Variants in ZNF451 observed in about 807,000 individuals in gnomAD.
ZNF451 encodes zinc finger protein 451.
ZNF451 carries 80 observed loss-of-function variants against 107.1 expected under a neutral mutation model. The ratio of observed to expected loss-of-function variants is 0.75; its 90% CI spans 0.62 to 0.90. The LOEUF is 0.90. Ranked by LOEUF, ZNF451 falls within the 40% of genes least tolerant of loss-of-function variation. ZNF451 has a pLI of 0.00. For missense variants in ZNF451, 1,107 were observed against 1,236.2 expected (o/e 0.90, Z 1.57); for synonymous variants, 362 against 406.5 (o/e 0.89, Z 1.32).
At chr6:57,121,911 A>G (rs1189293325) in intron 3 of ZNF451, among the ~76,000 whole-genome samples, 1 of 152,206 alleles carries the variant, frequency 6.6e-6, no homozygotes, top group African/African-American at 2.4e-5. Flanking sequence ...AAAAGCCTGA[A>G]TAGTCAAGGC....
intron 9 of ZNF451, among the ~76,000 whole-genome samples, chr6:57,145,477 CA>C (rs1025458347): frequency 6.6e-6 from 1 of 152,074 alleles, no homozygotes; most frequent in Non-Finnish European, 1.5e-5. Context: ...TTGGAGTTTT[CA>C]ATATCTGTTT....
At chr6:57,092,596 T>G (rs1305308297) in intron 2 of ZNF451, among the ~76,000 whole-genome samples, 2 of 152,242 alleles carry the variant, frequency 1.3e-5, no homozygotes, top group African/African-American at 4.8e-5. Context: ...CAAAATATAT[T>G]CAGAGACAGA....
At position 57,148,684 on chromosome 6, in the gene ZNF451, C is replaced by G. The variant is rs1300230580; in HGVS notation, c.2599C>G (p.Gln867Glu). The change falls in exon 10 of 15, where the codon CAG (glutamine) becomes GAG (glutamate). Residue 867 changes from glutamine to glutamate, a missense_variant. Gln to Glu is a conservative substitution (Grantham distance 29, BLOSUM62 2). Coordinates refer to ENST00000370706, the MANE Select transcript of ZNF451 (RefSeq NM_001031623.3). ...EKGVENDLSY[Q>E]NIEEEIVELP... ...AGGAGTTGAGAATGACCTAAGCTAT[C>G]AGAATATAGGTATGGCTTTATAGCT... 11 of 1,607,386 alleles carry G rather than the reference C, an allele frequency of 6.8e-6. No homozygotes were observed. Among genetic ancestry groups the G allele is most frequent in the Non-Finnish European group, 9.3e-6 (11 of 1,177,398 alleles).
At chr6:57,127,161 T>C (rs1490208169) in intron 4 of ZNF451, among the ~76,000 whole-genome samples, 1 of 152,180 alleles carries the variant, frequency 6.6e-6, no homozygotes, top group Non-Finnish European at 1.5e-5. Flanking sequence ...TTCAGTATAG[T>C]GATCCTGTAG....
chr6:57,093,926 A>C (rs1251957683), intron 2 of ZNF451, among the ~76,000 whole-genome samples: 1 of 152,266 alleles, frequency 6.6e-6, no homozygotes, highest in Admixed American at 6.5e-5. Flanking sequence ...GTTGCCTGTC[A>C]GGACTGCACA....
chr6:57,126,406 A>G (rs538161259), intron 4 of ZNF451: 2 of 152,254 alleles, frequency 1.3e-5, no homozygotes, highest in South Asian at 4.1e-4. Context: ...AACAACAACA[A>G]CAACAAAAAA....
At chr6:57,102,609 G>T in intron 3 of ZNF451, 2 of 986,248 alleles carry the variant, frequency 2.0e-6, no homozygotes, top group Non-Finnish European at 2.4e-6. Context: ...ATGTCTTTAT[G>T]TCAAGATGGT....
intron 2 of ZNF451, among the ~76,000 whole-genome samples, chr6:57,098,388 T>C (rs1829429029): frequency 6.6e-6 from 1 of 152,036 alleles, no homozygotes; most frequent in African/African-American, 2.4e-5. Flanking sequence ...GTATATCCAC[T>C]ACCATACTCT....
At chr6:57,142,653 T>G (rs1831828840) in intron 9 of ZNF451, among the ~76,000 whole-genome samples, 1 of 152,218 alleles carries the variant, frequency 6.6e-6, no homozygotes. Flanking sequence ...TAAAGCTGCT[T>G]TGAATACTTT....
chr6:57,133,063 A>C lies in ZNF451; in HGVS notation c.446A>C (p.Asn149Thr). Reference protein sequence around the residue: ...KMPGLKTGTINCGTKSSFRRG... With the variant: ...KMPGLKTGTITCGTKSSFRRG... The stretch of plus-strand genomic sequence containing the variant: ...GCAGGACTCAAAACAGGCACAATTA[A>C]TTGTGGAACAAAAAGTTCATTCCGA... Residue 149 changes from asparagine to threonine, a missense_variant, in exon 6 of 15, where the codon AAT (asparagine) becomes ACT (threonine). Physicochemically the swap from Asn to Thr is moderately conservative, Grantham distance 65. Coordinates refer to ENST00000370706, the MANE Select transcript of ZNF451 (RefSeq NM_001031623.3). The C allele has an allele frequency of 6.2e-7, 1 of 1,614,134 alleles. No homozygotes were observed. Among genetic ancestry groups the C allele is most frequent in the East Asian group, 2.2e-5 (1 of 44,858 alleles).
intron 13 of ZNF451, among the ~76,000 whole-genome samples, chr6:57,154,991 T>A (rs112108900): frequency 1.3e-5 from 2 of 152,316 alleles, no homozygotes; most frequent in African/African-American, 2.4e-5. Flanking sequence ...TCAATTCACT[T>A]CTGCAAAGTT....
At chr6:57,154,532 T>G (rs534994087) in intron 13 of ZNF451, 10 of 162,536 alleles carry the variant, frequency 6.2e-5, no homozygotes, top group Non-Finnish European at 1.1e-4. Context: ...CATCCTATCT[T>G]ATTGCTGGGA....
intron 3 of ZNF451, chr6:57,104,166 T>C: frequency 1.0e-6 from 1 of 985,386 alleles, no homozygotes; most frequent in African/African-American, 1.7e-5. Flanking sequence ...CTACAAAGTG[T>C]CTTTCAAACT....
In ZNF451 at chr6:57,134,879, A is replaced by G. The variant is rs746530394; in HGVS notation, c.702+9A>G. On this transcript the variant is annotated intron_variant, in intron 7 of 14. Coordinates refer to ENST00000370706, the MANE Select transcript of ZNF451 (RefSeq NM_001031623.3). ...ATCACCTTTTTGATAAGGTAAGAGCATGTCCTAAATTAAAAGTATTATTTT... is the reference window on the plus strand; with the variant it reads ...ATCACCTTTTTGATAAGGTAAGAGCGTGTCCTAAATTAAAAGTATTATTTT... The G allele has an allele frequency of 2.8e-5, 44 of 1,594,716 alleles. No homozygotes were observed. In the South Asian group the frequency reaches 4.6e-4, roughly 17 times the overall value.
chr6:57,114,855 G>A (rs1414169845), intron 3 of ZNF451: 2 of 151,956 alleles, frequency 1.3e-5, no homozygotes, highest in Non-Finnish European at 2.9e-5. Context: ...GAAAATAAAT[G>A]TAAAAAAGAA....
chr6:57,142,042 T>C lies in ZNF451; in HGVS notation c.951T>C (p.Cys317=). The C allele has an allele frequency of 6.2e-7, 1 of 1,614,100 alleles. No individual in the cohort carries two copies. Among genetic ancestry groups the C allele is most frequent in the Non-Finnish European group, 8.5e-7 (1 of 1,179,950 alleles). The part of the protein sequence containing the change: ...LCKDVPFQVK[C]VACHKTLRSH... The stretch of plus-strand genomic sequence containing the variant: ...AAGATGTTCCCTTTCAAGTTAAGTG[T>C]GTGGCCTGCCACAAGACACTGCGTT... Residue 317 remains cysteine (C), a synonymous_variant, in exon 9 of 15, where the codon TGT becomes TGC. Transcript: ENST00000370706.
intron 9 of ZNF451, among the ~76,000 whole-genome samples, chr6:57,146,171 C>G (rs1381238078): frequency 2.0e-5 from 3 of 152,022 alleles, no homozygotes; most frequent in Non-Finnish European, 4.4e-5. Flanking sequence ...CTAGTAGATT[C>G]TGAATATTAG....
At position 57,158,616 on chromosome 6, in the gene ZNF451, C is replaced by T; in HGVS notation, c.3071-2468C>T. On this transcript the variant is annotated intron_variant, in intron 13 of 14. Coordinates refer to ENST00000370706, the MANE Select transcript of ZNF451 (RefSeq NM_001031623.3). The stretch of plus-strand genomic sequence containing the variant: ...TCAAAGAAATTCACTAGAAACCTGC[C>T]TCCCATTGCTTCCTCTACCTTTCAC... The T allele has an allele frequency of 3.0e-6, 3 of 985,404 alleles. No individual in the cohort carries two copies. The South Asian group carries it at 1.4e-4, about 46-fold the overall frequency. The allele number at this position is 985,404 out of a possible 1,614,324, so 61.0% of individuals were successfully genotyped here.
rs764565295 is a variant in ZNF451 at position 57,152,254 on chromosome 6, G to A, written c.2786G>A (p.Cys929Tyr). The change falls in exon 12 of 15, where the codon TGT becomes TAT. Residue 929 changes from cysteine to tyrosine, a missense_variant. This residue lies in a region of ZNF451 where 151 missense variants were observed against 173.3 expected (regional missense o/e 0.87). Coordinates refer to ENST00000370706, the MANE Select transcript of ZNF451 (RefSeq NM_001031623.3). ...ACCAATTGGAAGCCTCCGCTCAACT[G>A]TAAGATTTATAACTACCTGAACAGG... is the stretch of plus-strand genomic sequence containing the variant. ...GNTNWKPPLN[C>Y]KIYNYLNRIG... is the part of the protein sequence containing the mutation. 6.2e-7 allele frequency: 1 copy of A among 1,613,700 alleles called. No homozygotes were observed. Among genetic ancestry groups the A allele is most frequent in the Non-Finnish European group, 8.5e-7 (1 of 1,179,856 alleles).
Sources: gnomAD v4.1 joint callset for allele counts (sites outside exome capture counted in the v4.1 genomes callset) on GRCh38, gnomAD v4.1.1 for gene constraint, gnomAD v4.1.1 regional missense constraint, MANE v1.5 for transcripts, NCBI Gene and HGNC (gene_info 2026-07-23, HGNC 2026-07-21) for gene names.